Variants in GPR158 observed in about 807,000 individuals in gnomAD.
GPR158 encodes the protein metabotropic glycine receptor.
A neutral mutation model predicts 78.2 loss-of-function variants in GPR158; 30 were observed. The ratio of observed to expected loss-of-function variants is 0.38; its 90% CI spans 0.29 to 0.52. The LOEUF (loss-of-function observed/expected upper bound fraction) is 0.52. GPR158 is among the 20% of genes least tolerant of loss of function. The pLI, the probability that GPR158 is intolerant of heterozygous loss-of-function variation, is 0.83. For synonymous variants in GPR158, 581 were observed against 591.1 expected, an observed-to-expected ratio of 0.98 and a Z score of 0.25; for missense variants, 1,463 against 1,523.5, an observed-to-expected ratio of 0.96 and a Z score of 0.66.
intron 5 of GPR158, among the ~76,000 whole-genome samples, chr10:25,549,659 T>TA (rs1360158221): frequency 6.6e-6 from 1 of 152,198 alleles, no homozygotes. Flanking sequence ...CACCTATTTT[T>TA]ACCTTTCTTT....
rs60603738 is a variant in GPR158 at position 25,225,183 on chromosome 10, C to CTT, written c.1008+4040_1008+4041dup. On this transcript the variant is annotated intron_variant, in intron 2 of 10. Transcript: ENST00000376351. ...AGATCAGCAGATTTGGAACATTTGC[C>CTT]TTTTTTTTTTTTTTTGTATAAAGCA... Among the ~76,000 whole-genome samples the CTT allele has an allele frequency of 2.6e-3, 357 of 134,748 alleles. 2 individuals carry two copies. Among genetic ancestry groups the CTT allele is most frequent in the South Asian group, 6.4e-3 (28 of 4,370 alleles). 88.4% of individuals were successfully genotyped at this position (134,748 alleles called of 152,430 possible).
intron 5 of GPR158, among the ~76,000 whole-genome samples, chr10:25,547,184 C>T (rs1014431903): frequency 6.6e-6 from 1 of 152,042 alleles, no homozygotes; most frequent in East Asian, 1.9e-4. Flanking sequence ...CTGGTCCTCT[C>T]GCCTTCAGTC....
intron 5 of GPR158, among the ~76,000 whole-genome samples, chr10:25,541,791 G>C (rs984977105): frequency 1.3e-5 from 2 of 151,782 alleles, no homozygotes; most frequent in African/African-American, 2.4e-5. Context: ...CCTTTGTGGA[G>C]TGTCCTCCAT....
intron 5 of GPR158, among the ~76,000 whole-genome samples, chr10:25,520,728 C>A (rs906956145): frequency 6.6e-6 from 1 of 152,096 alleles, no homozygotes; most frequent in Non-Finnish European, 1.5e-5. Flanking sequence ...GCAGTCTGCC[C>A]GTTCTCAGAT....
At chr10:25,326,438 T>C (rs1855034766) in intron 2 of GPR158, among the ~76,000 whole-genome samples, 2 of 152,220 alleles carry the variant, frequency 1.3e-5, no homozygotes. Context: ...TTGGATGTTA[T>C]TTCCTTGTCA....
chr10:25,503,656 T>A (rs1835971979), intron 5 of GPR158, among the ~76,000 whole-genome samples: 1 of 152,170 alleles, frequency 6.6e-6, no homozygotes, highest in African/African-American at 2.4e-5. Context: ...AGGCATGCTG[T>A]GATCTCAGGT....
intron 1 of GPR158, among the ~76,000 whole-genome samples, chr10:25,194,935 G>T (rs1366769941): frequency 6.6e-6 from 1 of 151,654 alleles, no homozygotes; most frequent in Non-Finnish European, 1.5e-5. Flanking sequence ...TTTGTATTCT[G>T]TTACTAGAGT....
In GPR158 at chr10:25,601,862, G is replaced by C. The variant is rs1367596872; in HGVS notation, c.*2588G>C. On this transcript the variant is annotated 3_prime_UTR_variant, in exon 11 of 11. Transcript: ENST00000376351. Reference sequence around the variant, plus strand: ...AAGTAGATTTATACCAATCTTAATAGAATTGTATATTTTATGCAAGAATTA... The same window carrying C: ...AAGTAGATTTATACCAATCTTAATACAATTGTATATTTTATGCAAGAATTA... 6.6e-6 allele frequency: 1 copy of C among 152,596 alleles called. No individual in the cohort carries two copies. The highest frequency in any genetic ancestry group is 1.5e-5 in the Non-Finnish European group (1 of 68,038). 9.5% of individuals were successfully genotyped at this position (152,596 alleles called of 1,614,324 possible).
rs199790857 is a variant in GPR158 at position 25,457,893 on chromosome 10, A to G, written c.1336-8758A>G. On this transcript the variant is annotated intron_variant, in intron 4 of 10. Transcript: ENST00000376351. ...TGCACATTATTTGAAACAAAGCAAA[A>G]TGAATTGACAAGCATCTCATGTAAA... Among the ~76,000 whole-genome samples the G allele has an allele frequency of 5.9e-5, 9 of 152,370 alleles. No homozygotes were observed. The East Asian group carries it at 1.7e-3, about 29-fold the overall frequency.
chr10:25,473,565 G>T lies in GPR158; in HGVS notation c.1404+6846G>T, dbSNP rs375712782. Among the ~76,000 whole-genome samples the T allele has an allele frequency of 9.2e-4, 140 of 152,202 alleles. 3 individuals are homozygous for T. In the South Asian group the frequency reaches 0.024, roughly 27 times the overall value. Reference sequence around the variant, plus strand: ...CTCCTTGTACCTCTGGTAGAATTCGGCTGTGAATCCATCTGGTGCTGGACT... The same window carrying T: ...CTCCTTGTACCTCTGGTAGAATTCGTCTGTGAATCCATCTGGTGCTGGACT... On this transcript the variant is annotated intron_variant, in intron 5 of 10. Coordinates refer to ENST00000376351, the MANE Select transcript of GPR158 (RefSeq NM_020752.3).
At chr10:25,595,604 A>G (rs1365396890) in intron 9 of GPR158, among the ~76,000 whole-genome samples, 1 of 152,248 alleles carries the variant, frequency 6.6e-6, no homozygotes, top group African/African-American at 2.4e-5. Flanking sequence ...ATGTTACAAC[A>G]ATAAGAAGTG....
At chr10:25,385,187 AG>A (rs1456258326) in intron 2 of GPR158, among the ~76,000 whole-genome samples, 1 of 152,102 alleles carries the variant, frequency 6.6e-6, no homozygotes, top group Non-Finnish European at 1.5e-5. Context: ...TATCTACTTC[AG>A]GTACCACATA....
chr10:25,583,597 G>A (rs1837230590), intron 7 of GPR158, among the ~76,000 whole-genome samples: 1 of 152,034 alleles, frequency 6.6e-6, no homozygotes, highest in Non-Finnish European at 1.5e-5. Context: ...TAACCTCTGT[G>A]CCACCAACTC....
At chr10:25,232,731 C>T (rs1008216724) in intron 2 of GPR158, among the ~76,000 whole-genome samples, 10 of 152,152 alleles carry the variant, frequency 6.6e-5, no homozygotes, top group Non-Finnish European at 4.4e-5. Flanking sequence ...CTTGAAAACG[C>T]TTTTGTCCTC....
At chr10:25,273,356 T>C (rs1854141957) in intron 2 of GPR158, among the ~76,000 whole-genome samples, 1 of 150,876 alleles carries the variant, frequency 6.6e-6, no homozygotes, top group Non-Finnish European at 1.5e-5. Flanking sequence ...TAGTTGAAAA[T>C]CCATCCTAAG....
chr10:25,355,139 T>G (rs1490063722), intron 2 of GPR158, among the ~76,000 whole-genome samples: 1 of 152,058 alleles, frequency 6.6e-6, no homozygotes, highest in East Asian at 1.9e-4. Flanking sequence ...TTAAATAAGC[T>G]TTCTACTTCT....
In GPR158 at chr10:25,429,616, A is replaced by C. The variant is rs182400658; in HGVS notation, c.1335+17143A>C. Among the ~76,000 whole-genome samples, 189 of 152,162 alleles carry C rather than the reference A, an allele frequency of 1.2e-3. 1 individual carries two copies. The highest frequency in any genetic ancestry group is 4.4e-3 in the African/African-American group (184 of 41,510). On this transcript the variant is annotated intron_variant, in intron 4 of 10. Coordinates refer to ENST00000376351, the MANE Select transcript of GPR158 (RefSeq NM_020752.3). ...CATTGATGCAAAAATCCTCAATAAA[A>C]TACTGGCAAACTGAATCCAGCAGCA...
intron 5 of GPR158, among the ~76,000 whole-genome samples, chr10:25,508,689 G>A (rs1395634457): frequency 1.3e-5 from 2 of 152,142 alleles, no homozygotes; most frequent in Non-Finnish European, 2.9e-5. Context: ...CATCTGGCAG[G>A]TCACCAGGGT....
intron 1 of GPR158, among the ~76,000 whole-genome samples, chr10:25,214,502 C>T (rs995049609): frequency 3.3e-5 from 5 of 152,022 alleles, no homozygotes; most frequent in African/African-American, 1.2e-4. Context: ...CTAATATTAA[C>T]TCAACTACAG....
Sources: gnomAD v4.1 joint callset for allele counts (sites outside exome capture counted in the v4.1 genomes callset) on GRCh38, gnomAD v4.1.1 for gene constraint, MANE v1.5 for transcripts, NCBI Gene and HGNC (gene_info 2026-07-23, HGNC 2026-07-21) for gene names.